The following LUZP1 variants were observed in gnomAD, a reference collection of about 807,000 sequenced individuals.
The protein encoded by LUZP1 is leucine zipper protein 1, also known as filamin mechanobinding actin cross-linking protein.
LUZP1 carries 25 observed loss-of-function variants against 71.3 expected under a neutral mutation model. The observed-to-expected ratio is 0.35, with a 90% CI of 0.26 to 0.49. The LOEUF (loss-of-function observed/expected upper bound fraction) is 0.49, where lower values mean the gene tolerates loss of function less well. LUZP1 is among the 20% of genes least tolerant of loss of function. The pLI is 0.99. For missense variants in LUZP1, 1,142 were observed against 1,300.8 expected, an observed-to-expected ratio of 0.88 and a Z score of 1.88; for synonymous variants, 481 against 506.4, an observed-to-expected ratio of 0.95 and a Z score of 0.67.
At position 23,142,639 on chromosome 1, in the gene LUZP1, C is replaced by T. The variant is rs191913566; in HGVS notation, c.-226+26127G>A. ...AGAGCCCTGGTGGTCTGGCTTCATA[C>T]CTGAGGTGCTGGGCACACAGGCATC... On this transcript the variant is annotated intron_variant, in intron 2 of 4. Coordinates refer to ENST00000302291, the Ensembl canonical transcript of LUZP1. 9.7e-4 allele frequency among the ~76,000 whole-genome samples: 147 copies of T among 151,558 alleles called. 2 individuals carry two copies. Among genetic ancestry groups the T allele is most frequent in the African/African-American group, 3.5e-3 (144 of 41,214 alleles).
rs748500182 is a variant in LUZP1, at chr1:23,093,916, G to A, written c.346C>T (p.Arg116Ter). ...TCTAGCTTCTCTAATTCAGCCATTCGTTTCTGAAGCCGCTCAATCTCAGAT... is the reference window on the plus strand; with the variant it reads ...TCTAGCTTCTCTAATTCAGCCATTCATTTCTGAAGCCGCTCAATCTCAGAT... The change falls in exon 4 of 5, where the codon CGA becomes TGA. Residue 116 changes from arginine (R) to a stop codon, truncating the protein, a stop_gained. Transcript: ENST00000302291. LOFTEE classifies it high-confidence loss of function. The surrounding 1 kb of genome is among the most constrained non-coding windows in gnomAD (Gnocchi z 4.2). 3 of 1,614,004 alleles carry A rather than the reference G, an allele frequency of 1.9e-6. No individual in the cohort carries two copies. The highest frequency in any genetic ancestry group is 2.5e-6 in the Non-Finnish European group (3 of 1,180,028).
intron 2 of LUZP1, among the ~76,000 whole-genome samples, chr1:23,149,570 T>C (rs766008686): frequency 9.2e-5 from 14 of 152,298 alleles, no homozygotes; most frequent in Non-Finnish European, 1.8e-4. Context: ...TTGGGTCTTT[T>C]GAATGTGCAT....
chr1:23,162,590 C>G (rs895830484), intron 2 of LUZP1: 1 of 152,130 alleles, frequency 6.6e-6, no homozygotes, highest in Non-Finnish European at 1.5e-5. Flanking sequence ...AGGTGCCTGC[C>G]ACCATGCCTG....
intron 2 of LUZP1, among the ~76,000 whole-genome samples, chr1:23,122,410 G>A (rs1644137668): frequency 6.6e-6 from 1 of 152,178 alleles, no homozygotes; most frequent in Non-Finnish European, 1.5e-5. Context: ...GAATGCATTA[G>A]GGCAGTGACT....
At chr1:23,100,065 T>C (rs1465849276) in intron 3 of LUZP1, among the ~76,000 whole-genome samples, 1 of 152,228 alleles carries the variant, frequency 6.6e-6, no homozygotes, top group Non-Finnish European at 1.5e-5. Flanking sequence ...TTTTTTGCTT[T>C]CACAGTCTGC....
chr1:23,104,466 G>A (rs553503303), intron 3 of LUZP1, among the ~76,000 whole-genome samples: 1 of 152,084 alleles, frequency 6.6e-6, no homozygotes, highest in Non-Finnish European at 1.5e-5. Context: ...TTACAGGTGT[G>A]AGCCACCACG....
intron 3 of LUZP1, among the ~76,000 whole-genome samples, chr1:23,107,922 A>C (rs1289905499): frequency 6.6e-6 from 1 of 152,212 alleles, no homozygotes; most frequent in African/African-American, 2.4e-5. Context: ...TTGACATGAG[A>C]GCAAGAGGCT....
intron 2 of LUZP1, among the ~76,000 whole-genome samples, chr1:23,118,444 C>T (rs957937148): frequency 6.6e-6 from 1 of 152,066 alleles, no homozygotes; most frequent in Admixed American, 6.5e-5. Flanking sequence ...ATTCACACAC[C>T]AGGTAGTACA....
At chr1:23,149,293 A>C (rs542448244) in intron 2 of LUZP1, among the ~76,000 whole-genome samples, 3 of 151,988 alleles carry the variant, frequency 2.0e-5, no homozygotes, top group Non-Finnish European at 4.4e-5. Flanking sequence ...TATTTACTTA[A>C]AAGTCCACAG....
intron 2 of LUZP1, among the ~76,000 whole-genome samples, chr1:23,131,145 G>A (rs1254429492): frequency 6.8e-6 from 1 of 147,992 alleles, no homozygotes; most frequent in Non-Finnish European, 1.5e-5. Flanking sequence ...CTTGAACCCG[G>A]GAGATGGAGG....
intron 2 of LUZP1, among the ~76,000 whole-genome samples, chr1:23,114,873 A>G (rs1644065281): frequency 6.6e-6 from 1 of 152,242 alleles, no homozygotes; most frequent in African/African-American, 2.4e-5. Context: ...CAGCTTCATC[A>G]GTCAAACAAA....
chr1:23,147,958 A>C (rs1449390696), intron 2 of LUZP1, among the ~76,000 whole-genome samples: 1 of 152,206 alleles, frequency 6.6e-6, no homozygotes, highest in Non-Finnish European at 1.5e-5. Flanking sequence ...CAATAGCTAC[A>C]TTGTGTTTCT....
chr1:23,115,228 A>G (rs1644068360), intron 2 of LUZP1, among the ~76,000 whole-genome samples: 1 of 152,162 alleles, frequency 6.6e-6, no homozygotes, highest in Non-Finnish European at 1.5e-5. Flanking sequence ...AATCTACGTA[A>G]CCTTTAGGAT....
chr1:23,138,841 T>C (rs929308063), intron 2 of LUZP1, among the ~76,000 whole-genome samples: 2 of 149,096 alleles, frequency 1.3e-5, no homozygotes, highest in African/African-American at 2.5e-5. Context: ...CTGCTAAAAA[T>C]ACAAAAATTA....
In LUZP1 at chr1:23,094,580, G is replaced by A. The variant is rs767816248; in HGVS notation, c.-119-200C>T. Among the ~76,000 whole-genome samples the A allele has an allele frequency of 1.3e-5, 2 of 152,050 alleles. No individual in the cohort carries two copies. Among genetic ancestry groups the A allele is most frequent in the African/African-American group, 4.8e-5 (2 of 41,392 alleles). On this transcript the variant is annotated intron_variant, in intron 3 of 4. Coordinates refer to ENST00000302291, the Ensembl canonical transcript of LUZP1. This position sits in a 1 kb window ranked among gnomAD's most constrained non-coding sequence, Gnocchi z 4.7. ...CGATATTGAGTTGATACCTCATTTC[G>A]CCCTAATAAAGAATGTCACCAGTGG...
chr1:23,148,663 T>C (rs1360157268), intron 2 of LUZP1, among the ~76,000 whole-genome samples: 1 of 152,202 alleles, frequency 6.6e-6, no homozygotes, highest in East Asian at 1.9e-4. Context: ...TGACAGAATC[T>C]GATTTGTTTC....
At chr1:23,095,080 A>G (rs1223419496) in intron 3 of LUZP1, among the ~76,000 whole-genome samples, 1 of 152,212 alleles carries the variant, frequency 6.6e-6, no homozygotes, top group Non-Finnish European at 1.5e-5. Flanking sequence ...GAAATGCCCC[A>G]GATGTTAAGG....
intron 2 of LUZP1, chr1:23,133,518 T>A (rs1644230598): frequency 6.6e-6 from 1 of 152,154 alleles, no homozygotes; most frequent in South Asian, 2.1e-4. Context: ...ATCCCAGCAC[T>A]CTGGAAGGCC....
chr1:23,128,136 AAAAAAAG>A (rs1402411606), intron 2 of LUZP1, among the ~76,000 whole-genome samples: 3 of 152,094 alleles, frequency 2.0e-5, no homozygotes, highest in African/African-American at 4.8e-5. Context: ...TCCCAAAAAG[AAAAAAAG>A]AAAAAAGAAA....
Sources: allele counts gnomAD v4.1 joint callset (sites outside exome capture counted in the v4.1 genomes callset), GRCh38; gene constraint gnomAD v4.1.1; non-coding constraint Gnocchi (gnomAD v3.1); transcripts MANE v1.5; gene names NCBI Gene and HGNC (gene_info 2026-07-23, HGNC 2026-07-21).